The following SLC22A8 variants were observed in gnomAD, a reference collection of about 807,000 sequenced individuals.
SLC22A8 encodes organic anion transporter 3.
Under a neutral mutation model 48.4 loss-of-function variants are expected in SLC22A8, and 40 were observed. The ratio of observed to expected loss-of-function variants is 0.83; its 90% CI spans 0.64 to 1.08. SLC22A8 has a LOEUF of 1.08. Among genes scored for constraint, SLC22A8 ranks in the 50% least tolerant of loss-of-function variants. The probability of loss-of-function intolerance (pLI) is 0.00; values close to 1 mark genes in which losing one functional copy is unlikely to be tolerated. For missense variants in SLC22A8, 606 were observed against 699.0 expected (o/e 0.87, Z 1.50); for synonymous variants, 268 against 286.3 (o/e 0.94, Z 0.65).
At position 62,993,135 on chromosome 11, in the gene SLC22A8, C is replaced by T; in HGVS notation, c.*102G>A. 1 of 818,748 alleles carries T rather than the reference C, an allele frequency of 1.2e-6. No homozygotes were observed. The allele number at this position is 818,748 out of a possible 1,614,324, so 50.7% of individuals were successfully genotyped here. A position where few individuals can be genotyped will look rare whatever the true frequency, so the allele number is the denominator to read the frequency against. On this transcript the variant is annotated 3_prime_UTR_variant, in exon 11 of 11. Coordinates refer to ENST00000336232, the MANE Select transcript of SLC22A8 (RefSeq NM_004254.4). The stretch of plus-strand genomic sequence containing the variant: ...ACACCTTCACCAAGCTCTCAGAAGG[C>T]TTCATCCTAGGAGGATGGACCTATA...
intron 5 of SLC22A8, among the ~76,000 whole-genome samples, chr11:62,998,219 T>A (rs996798076): frequency 2.0e-5 from 3 of 152,138 alleles, no homozygotes; most frequent in African/African-American, 7.2e-5. Flanking sequence ...CCCAAAGTGC[T>A]AGGATTACAG....
intron 5 of SLC22A8, among the ~76,000 whole-genome samples, chr11:62,996,699 G>A (rs1250994321): frequency 2.0e-5 from 3 of 152,218 alleles, no homozygotes; most frequent in African/African-American, 7.2e-5. Flanking sequence ...TGGGGAGGGA[G>A]TGAGCACAGC....
chr11:63,006,696 C>CTCCCAGGT (rs1425874752), intron 2 of SLC22A8, among the ~76,000 whole-genome samples: 1 of 143,074 alleles, frequency 7.0e-6, no homozygotes, highest in East Asian at 2.1e-4. Context: ...TAACCTCTAC[C>CTCCCAGGT]TCCCAGGTTC....
Position 63,014,548 on chromosome 11 carries a change from C to A in SLC22A8, c.333+78G>T, listed in dbSNP as rs538245146. On this transcript the variant is annotated intron_variant, in intron 2 of 10. Coordinates refer to ENST00000336232, the MANE Select transcript of SLC22A8 (RefSeq NM_004254.4). ...AGTTCCTGGGAACACCAGACCCCAG[C>A]CTCCTCTGCTGCCCACCAGCGGTGC... 215 of 1,303,680 alleles carry A rather than the reference C, an allele frequency of 1.6e-4. No individual in the cohort carries two copies. The East Asian group carries it at 3.8e-3, about 23-fold the overall frequency. 80.8% of individuals were successfully genotyped at this position (1,303,680 alleles called of 1,614,324 possible). A position where few individuals can be genotyped will look rare whatever the true frequency, so the allele number is the denominator to read the frequency against.
intron 2 of SLC22A8, among the ~76,000 whole-genome samples, chr11:63,002,402 A>G (rs1022086148): frequency 1.3e-5 from 2 of 152,162 alleles, no homozygotes; most frequent in Admixed American, 6.5e-5. Context: ...CCTTCTAGTT[A>G]TGGTGAAATA....
At chr11:63,014,429 T>C in intron 2 of SLC22A8, 197 bp downstream of exon 2, 3 of 500,260 alleles carry the variant, frequency 6.0e-6, no homozygotes, top group Non-Finnish European at 1.1e-5. Flanking sequence ...GTTGAAGCAC[T>C]GCTTGGACTC....
At chr11:62,996,963 C>T (rs1383559962) in intron 5 of SLC22A8, among the ~76,000 whole-genome samples, 1 of 152,236 alleles carries the variant, frequency 6.6e-6, no homozygotes, top group African/African-American at 2.4e-5. Flanking sequence ...GGTTGCCTGG[C>T]CTCAGGCCAC....
chr11:63,000,367 C>T (rs144734341), intron 3 of SLC22A8, among the ~76,000 whole-genome samples: 2,207 of 152,058 alleles, frequency 0.015, 55 homozygotes, highest in African/African-American at 0.048. Context: ...GCCTGTAATC[C>T]CAGCTACTCG....
intron 2 of SLC22A8, among the ~76,000 whole-genome samples, chr11:63,006,683 C>T (rs1012725116): frequency 7.4e-6 from 1 of 134,272 alleles, no homozygotes; most frequent in African/African-American, 2.7e-5. Flanking sequence ...TCTCAGCTCA[C>T]TGTAACCTCT....
chr11:62,993,732 GTCC>G (rs1191756402), intron 9 of SLC22A8, 35 bp downstream of exon 9: 1 of 1,592,738 alleles, frequency 6.3e-7, no homozygotes, highest in African/African-American at 1.3e-5. Flanking sequence ...CCTGACCTGT[GTCC>G]TCTGGCTGGG....
At chr11:62,997,094 C>T (rs1295923056) in intron 5 of SLC22A8, among the ~76,000 whole-genome samples, 1 of 152,356 alleles carries the variant, frequency 6.6e-6, no homozygotes, top group East Asian at 1.9e-4. Context: ...AAGGGCCTGG[C>T]ACTCTATCCT....
At position 62,999,055 on chromosome 11, in the gene SLC22A8, G is replaced by C. The variant is rs2086458737; in HGVS notation, c.627C>G (p.Ile209Met). Residue 209 changes from isoleucine to methionine, a missense_variant, in exon 5 of 11, where the codon ATC becomes ATG. Ile to Met is a conservative substitution (Grantham distance 10, BLOSUM62 1). Transcript: ENST00000336232. ...AGCAGTACCCGAGTGCTGTCGACAT[G>C]ATGGCCCGCATCCGGGTAGGCACCC... ...VEWVPTRMRAIMSTALGYCYT... is the reference protein window; with the variant it reads ...VEWVPTRMRAMMSTALGYCYT... The C allele has an allele frequency of 6.2e-7, 1 of 1,613,886 alleles. No homozygotes were observed. Among genetic ancestry groups the C allele is most frequent in the African/African-American group, 1.3e-5 (1 of 74,954 alleles).
chr11:63,014,455 C>A, intron 2 of SLC22A8, 171 bp downstream of exon 2: 1 of 552,092 alleles, frequency 1.8e-6, no homozygotes. Context: ...GGGAAGAAGC[C>A]AAGGGTCTTG....
intron 7 of SLC22A8, chr11:62,994,972 T>C (rs1243617888): frequency 6.8e-6 from 4 of 589,058 alleles, no homozygotes; most frequent in Middle Eastern, 4.5e-4. Flanking sequence ...GACGTGGGCA[T>C]GGTCCAGGGT....
At chr11:63,015,219 G>C (rs1276712996) in intron 1 of SLC22A8, among the ~76,000 whole-genome samples, 2 of 152,226 alleles carry the variant, frequency 1.3e-5, no homozygotes, top group Non-Finnish European at 2.9e-5. Flanking sequence ...AGGTGGAAGT[G>C]TGTGTCCAGG....
At chr11:63,011,666 C>T (rs527791923) in intron 2 of SLC22A8, among the ~76,000 whole-genome samples, 3 of 152,286 alleles carry the variant, frequency 2.0e-5, no homozygotes, top group South Asian at 2.1e-4. Context: ...TTCTATCTGT[C>T]GTCTTTGTCC....
chr11:62,993,154 A>T lies in SLC22A8; in HGVS notation c.*83T>A. 1 of 982,666 alleles carries T rather than the reference A, an allele frequency of 1.0e-6. No individual in the cohort carries two copies. Among genetic ancestry groups the T allele is most frequent in the Non-Finnish European group, 1.5e-6 (1 of 655,590 alleles). The allele number at this position is 982,666 out of a possible 1,614,324, so 60.9% of individuals were successfully genotyped here. ...AGAAGGCTTCATCCTAGGAGGATGG[A>T]CCTATATGGGGCCTCCCTATACTCC... On this transcript the variant is annotated 3_prime_UTR_variant, in exon 11 of 11. Transcript: ENST00000336232.
intron 4 of SLC22A8, chr11:62,999,413 G>T (rs2086463907): frequency 2.1e-6 from 1 of 473,694 alleles, no homozygotes; most frequent in Non-Finnish European, 3.7e-6. Flanking sequence ...CTGTAAAATG[G>T]GAATAATAGT....
chr11:62,993,618 A>G lies in SLC22A8; in HGVS notation c.1335T>C (p.Gly445=). The change falls in exon 10 of 11, where the codon GGT becomes GGC. Residue 445 remains glycine (G), a synonymous_variant. Coordinates refer to ENST00000336232, the MANE Select transcript of SLC22A8 (RefSeq NM_004254.4). ...ELYPTVIRQT[G]MGVSNLWTRV... Reference sequence around the variant, plus strand: ...GGGTCCACAGGTTACTTACGCCCATACCTGTTTGCCTGCGAGGGTTCAGAG... The same window carrying G: ...GGGTCCACAGGTTACTTACGCCCATGCCTGTTTGCCTGCGAGGGTTCAGAG... 6.2e-7 allele frequency: 1 copy of G among 1,607,620 alleles called. No homozygotes were observed. The highest frequency in any genetic ancestry group is 1.3e-5 in the African/African-American group (1 of 74,900).
Sources: allele counts gnomAD v4.1 joint callset (sites outside exome capture counted in the v4.1 genomes callset), GRCh38; gene constraint gnomAD v4.1.1; transcripts MANE v1.5; gene names NCBI Gene and HGNC (gene_info 2026-07-23, HGNC 2026-07-21).